DLG2: variants seen among roughly 807,000 people sequenced by gnomAD.
The protein encoded by DLG2 is discs large MAGUK scaffold protein 2.
In DLG2, 45 loss-of-function variants were observed where a neutral mutation model predicts 132.5. The ratio of observed to expected loss-of-function variants is 0.34; its 90% CI spans 0.27 to 0.44. DLG2 has a LOEUF of 0.44. Ranked by LOEUF, DLG2 falls within the 20% of genes least tolerant of loss-of-function variation. The pLI, the probability that DLG2 is intolerant of heterozygous loss-of-function variation, is 1.00. For missense variants in DLG2, 1,045 were observed against 1,196.9 expected (o/e 0.87, Z 1.87); for synonymous variants, 424 against 419.6 (o/e 1.01, Z -0.13).
intron 8 of DLG2, among the ~76,000 whole-genome samples, chr11:84,224,340 C>A (rs990556070): frequency 6.6e-6 from 1 of 152,178 alleles, no homozygotes; most frequent in South Asian, 2.1e-4. Context: ...ACCAGCCTGA[C>A]AAACCTCCTA....
chr11:84,763,417 C>T (rs951121182), intron 6 of DLG2: 2 of 152,144 alleles, frequency 1.3e-5, no homozygotes, highest in African/African-American at 4.8e-5. Flanking sequence ...ATTTACCTAT[C>T]CATTTGCTTC....
chr11:85,379,081 G>C (rs1259873687), intron 3 of DLG2, among the ~76,000 whole-genome samples: 1 of 152,122 alleles, frequency 6.6e-6, no homozygotes, highest in Non-Finnish European at 1.5e-5. Flanking sequence ...AATATTTCAA[G>C]TCACCAGTCA....
intron 19 of DLG2, among the ~76,000 whole-genome samples, chr11:83,601,628 C>T (rs1281904083): frequency 7.3e-6 from 1 of 136,866 alleles, no homozygotes; most frequent in African/African-American, 2.6e-5. Flanking sequence ...TCTTCCACCT[C>T]GGCCTCCCAT....
At chr11:84,584,508 G>A (rs1399470001) in intron 6 of DLG2, among the ~76,000 whole-genome samples, 2 of 151,044 alleles carry the variant, frequency 1.3e-5, no homozygotes, top group Non-Finnish European at 2.9e-5. Context: ...CACCATGCCT[G>A]GCTATTTTTT....
intron 6 of DLG2, among the ~76,000 whole-genome samples, chr11:84,560,777 A>T (rs2099426393): frequency 6.6e-6 from 1 of 152,076 alleles, no homozygotes; most frequent in Non-Finnish European, 1.5e-5. Flanking sequence ...AAGATGGAGT[A>T]GGTATTACTT....
At chr11:85,001,674 A>G (rs76634251) in intron 6 of DLG2, among the ~76,000 whole-genome samples, 218 of 152,334 alleles carry the variant, frequency 1.4e-3, no homozygotes, top group Middle Eastern at 3.4e-3. Flanking sequence ...TTATGAAACT[A>G]TAATGATGGA....
At chr11:85,221,699 T>C (rs2074655386) in intron 4 of DLG2, among the ~76,000 whole-genome samples, 1 of 152,226 alleles carries the variant, frequency 6.6e-6, no homozygotes, top group African/African-American at 2.4e-5. Flanking sequence ...ATAAGAATTA[T>C]GATCTTTATT....
At chr11:83,467,791 A>G (rs1351543093) in intron 25 of DLG2, among the ~76,000 whole-genome samples, 3 of 106,994 alleles carry the variant, frequency 2.8e-5, no homozygotes, top group African/African-American at 1.1e-4. Flanking sequence ...ATATATATAT[A>G]TATATATATA....
At chr11:83,681,625 T>C (rs1328182870) in intron 18 of DLG2, among the ~76,000 whole-genome samples, 1 of 152,174 alleles carries the variant, frequency 6.6e-6, no homozygotes, top group East Asian at 1.9e-4. Flanking sequence ...ACTACCACCA[T>C]ACTGAGTTTC....
At chr11:84,356,906 T>C (rs542160101) in intron 7 of DLG2, among the ~76,000 whole-genome samples, 1 of 152,170 alleles carries the variant, frequency 6.6e-6, no homozygotes, top group African/African-American at 2.4e-5. Context: ...GAGGGGACTA[T>C]TCCAGAGAGA....
intron 18 of DLG2, among the ~76,000 whole-genome samples, chr11:83,782,683 T>C (rs1451401690): frequency 6.6e-6 from 1 of 152,088 alleles, no homozygotes; most frequent in African/African-American, 2.4e-5. Flanking sequence ...ACAGCAGTCC[T>C]GTGTAGCAGG....
chr11:85,072,678 C>T (rs528899434), intron 6 of DLG2, among the ~76,000 whole-genome samples: 1 of 151,884 alleles, frequency 6.6e-6, no homozygotes, highest in East Asian at 1.9e-4. Flanking sequence ...TCCTAGGTTA[C>T]AGCACTAATG....
intron 9 of DLG2, among the ~76,000 whole-genome samples, chr11:84,128,097 C>T (rs975061344): frequency 4.6e-5 from 7 of 152,072 alleles, no homozygotes; most frequent in Non-Finnish European, 8.8e-5. Flanking sequence ...GGCATAAAAT[C>T]GTAGCAGCCA....
At chr11:85,457,135 G>A (rs1192557713) in intron 3 of DLG2, among the ~76,000 whole-genome samples, 1 of 151,332 alleles carries the variant, frequency 6.6e-6, no homozygotes, top group African/African-American at 2.4e-5. Flanking sequence ...GGATACTTAA[G>A]TCTTCCAGTT....
At chr11:84,230,433 C>A (rs1412967424) in intron 8 of DLG2, among the ~76,000 whole-genome samples, 1 of 151,902 alleles carries the variant, frequency 6.6e-6, no homozygotes, top group Non-Finnish European at 1.5e-5. Context: ...ATTTGTTATG[C>A]CAGTAATAAA....
chr11:84,495,506 T>A (rs2099179823), intron 7 of DLG2, among the ~76,000 whole-genome samples: 1 of 152,152 alleles, frequency 6.6e-6, no homozygotes, highest in Admixed American at 6.6e-5. Flanking sequence ...AAGGACTGGG[T>A]CTTATTCATT....
At chr11:83,886,862 G>A (rs955198821) in intron 15 of DLG2, among the ~76,000 whole-genome samples, 11 of 150,118 alleles carry the variant, frequency 7.3e-5, no homozygotes, top group Non-Finnish European at 1.0e-4. Flanking sequence ...GGTACATAAC[G>A]AAATGAAGGC....
chr11:85,273,485 C>A (rs936351127), intron 4 of DLG2, among the ~76,000 whole-genome samples: 1 of 152,150 alleles, frequency 6.6e-6, no homozygotes, highest in African/African-American at 2.4e-5. Context: ...ATCTATGTAG[C>A]CAACAGACAC....
At chr11:85,573,147 A>G (rs1478373634) in intron 3 of DLG2, among the ~76,000 whole-genome samples, 2 of 152,186 alleles carry the variant, frequency 1.3e-5, no homozygotes, top group Non-Finnish European at 2.9e-5. Context: ...TGAAAGCTGA[A>G]CTATGTAGGT....
Sources: allele counts gnomAD v4.1 joint callset (sites outside exome capture counted in the v4.1 genomes callset), GRCh38; gene constraint gnomAD v4.1.1; transcripts MANE v1.5; gene names NCBI Gene and HGNC (gene_info 2026-07-23, HGNC 2026-07-21).